TCF20: variants seen among roughly 807,000 people sequenced by gnomAD.
The protein encoded by TCF20 is SPRE-binding protein.
In TCF20, 3 loss-of-function variants were observed where a neutral mutation model predicts 148.6. The ratio of observed to expected loss-of-function variants is 0.02; its 90% CI spans 0.01 to 0.05. The LOEUF is 0.05. Ranked by LOEUF, TCF20 falls within the 10% of genes least tolerant of loss-of-function variation. The pLI, the probability that TCF20 is intolerant of heterozygous loss-of-function variation, is 1.00. For missense variants in TCF20, 2,350 were observed against 2,429.3 expected, an observed-to-expected ratio of 0.97 and a Z score of 0.69; for synonymous variants, 1,049 against 909.5, an observed-to-expected ratio of 1.15 and a Z score of -2.76.
rs147095399 is a variant in TCF20, at chr22:42,213,461, A to G, written c.1845T>C (p.Gly615=). The G allele has an allele frequency of 5.7e-4, 919 of 1,613,864 alleles. No homozygotes were observed. The highest frequency in any genetic ancestry group is 7.1e-4 in the South Asian group (65 of 91,064). Reference sequence around the variant, plus strand: ...CTTGTCCACCAGGCTTTTCTACCCGACCTGTCATGGCTTCCCGGGAGACAA... The same window carrying G: ...CTTGTCCACCAGGCTTTTCTACCCGGCCTGTCATGGCTTCCCGGGAGACAA... ...GVIVSREAMT[G]RVEKPGGQDK... is the part of the protein sequence containing the mutation. Residue 615 remains glycine, a synonymous_variant, in exon 2 of 6, where the codon GGT becomes GGC. Transcript: ENST00000677622.
intron 1 of TCF20, among the ~76,000 whole-genome samples, chr22:42,232,780 C>G (rs1348046459): frequency 1.5e-5 from 2 of 130,236 alleles, no homozygotes; most frequent in African/African-American, 2.9e-5. Flanking sequence ...GCCTGGGCAA[C>G]AGAGCAAGAC....
intron 1 of TCF20, among the ~76,000 whole-genome samples, chr22:42,327,005 G>A (rs1239491430): frequency 2.0e-5 from 3 of 152,256 alleles, no homozygotes; most frequent in Non-Finnish European, 4.4e-5. Context: ...AGCAGATCAG[G>A]AAGGAGAAGA....
Position 42,174,815 on chromosome 22 carries a change from C to G in TCF20, c.5749+4794G>C, listed in dbSNP as rs535468646. 1.7e-4 allele frequency among the ~76,000 whole-genome samples: 26 copies of G among 152,080 alleles called. No individual in the cohort carries two copies. The South Asian group carries it at 5.4e-3, about 32-fold the overall frequency. On this transcript the variant is annotated intron_variant, in intron 3 of 5. Transcript: ENST00000677622. ...CTTTGGGGGGCCAAGGTGGGCAGAT[C>G]ACAAGGTCAGGAGATCGAGACCATC...
chr22:42,260,639 C>T (rs1010696104), intron 1 of TCF20, among the ~76,000 whole-genome samples: 29 of 152,100 alleles, frequency 1.9e-4, no homozygotes, highest in African/African-American at 7.0e-4. Flanking sequence ...TGAACATCAC[C>T]ATGCCTGGTT....
chr22:42,275,405 G>T (rs1457594749), upstream of TCF20, among the ~76,000 whole-genome samples: 5 of 152,196 alleles, frequency 3.3e-5, no homozygotes, highest in Admixed American at 2.0e-4. Flanking sequence ...CCAAGAAACG[G>T]GAAGCCCGTG....
chr22:42,211,574 A>C lies in TCF20; in HGVS notation c.3732T>G (p.Asp1244Glu). ...TGATTAAGGGGTTTTGAGAAGAATG[A>C]TCCTCCTGGCCTGGAAGTCTCAGCA... is the stretch of plus-strand genomic sequence containing the variant. The part of the protein sequence containing the change: ...SVMLRLPGQE[D>E]HSSQNPLIMR... Residue 1244 changes from aspartate (D) to glutamate (E), a missense_variant, in exon 2 of 6, where the codon GAT becomes GAG. Asp to Glu is a conservative substitution (Grantham distance 45). This residue lies in a region of TCF20 where 1,641 missense variants were observed against 1,662.6 expected (regional missense o/e 0.99). Coordinates refer to ENST00000677622, the MANE Select transcript of TCF20 (RefSeq NM_001378418.1). 6.2e-7 allele frequency: 1 copy of C among 1,614,180 alleles called. No individual in the cohort carries two copies. Among genetic ancestry groups the C allele is most frequent in the South Asian group, 1.1e-5 (1 of 91,082 alleles).
At chr22:42,277,502 A>G (rs1333884675) in intron 1 of TCF20, among the ~76,000 whole-genome samples, 1 of 152,240 alleles carries the variant, frequency 6.6e-6, no homozygotes. Context: ...AAGTAACCAC[A>G]TGGTGAAGTT....
chr22:42,179,330 A>G (rs189104030), intron 3 of TCF20, among the ~76,000 whole-genome samples: 71 of 152,168 alleles, frequency 4.7e-4, no homozygotes, highest in Admixed American at 2.1e-3. Context: ...ATGTACAGCA[A>G]AGCCCACAGA....
chr22:42,189,341 G>T (rs1213952173), intron 2 of TCF20, among the ~76,000 whole-genome samples: 4 of 152,218 alleles, frequency 2.6e-5, no homozygotes, highest in African/African-American at 9.6e-5. Context: ...TGCCAGCACA[G>T]CAGGATTCTG....
chr22:42,169,737 A>G (rs1438322534), intron 4 of TCF20, 110 bp downstream of exon 4: 4 of 1,109,310 alleles, frequency 3.6e-6, no homozygotes, highest in Non-Finnish European at 5.3e-6. Context: ...CCGGAGGCAC[A>G]GGTGGGGACA....
intron 1 of TCF20, among the ~76,000 whole-genome samples, chr22:42,227,307 A>G (rs1177925554): frequency 6.6e-6 from 1 of 152,202 alleles, no homozygotes. Context: ...AATTACTTCA[A>G]ATGTACAGAA....
rs970216104 is a variant in TCF20, at chr22:42,160,337, T to C, written c.*1066A>G. ...AAAGAAAAAGGGGTTAAATGGGTGT[T>C]CCTGGTCAGCTTAACCCACTCTGAT... On this transcript the variant is annotated 3_prime_UTR_variant, in exon 6 of 6. Transcript: ENST00000677622. 2.0e-5 allele frequency: 3 copies of C among 152,628 alleles called. No homozygotes were observed. Among genetic ancestry groups the C allele is most frequent in the Non-Finnish European group, 4.4e-5 (3 of 68,034 alleles). 9.5% of individuals were successfully genotyped at this position (152,628 alleles called of 1,614,324 possible).
At chr22:42,258,546 C>A (rs1308087038) in intron 1 of TCF20, among the ~76,000 whole-genome samples, 1 of 152,194 alleles carries the variant, frequency 6.6e-6, no homozygotes, top group Non-Finnish European at 1.5e-5. Flanking sequence ...TCTGGTTTCA[C>A]ATACACTTAG....
chr22:42,238,855 C>T lies in TCF20; in HGVS notation c.-36-23514G>A, dbSNP rs144427326. ...ACATCAGGCCGGGCGCGGTGGCTCA[C>T]GCCTGTAATCCCAGCACTTTGGGAG... On this transcript the variant is annotated intron_variant, in intron 1 of 5. Transcript: ENST00000677622. Among the ~76,000 whole-genome samples, 723 of 149,964 alleles carry T rather than the reference C, an allele frequency of 4.8e-3. 3 individuals are homozygous for T. The highest frequency in any genetic ancestry group is 0.016 in the African/African-American group (670 of 40,802).
intron 1 of TCF20, among the ~76,000 whole-genome samples, chr22:42,245,409 C>A (rs964968722): frequency 6.6e-6 from 1 of 152,122 alleles, no homozygotes; most frequent in African/African-American, 2.4e-5. Flanking sequence ...CTACTCATCT[C>A]GGCCCTGCAA....
chr22:42,258,721 A>G (rs1194763336), intron 1 of TCF20, among the ~76,000 whole-genome samples: 2 of 152,172 alleles, frequency 1.3e-5, no homozygotes, highest in Non-Finnish European at 2.9e-5. Flanking sequence ...GCCCAATTAT[A>G]GGCTCATGTA....
intron 1 of TCF20, among the ~76,000 whole-genome samples, chr22:42,304,942 C>T (rs918746614): frequency 3.9e-5 from 6 of 152,016 alleles, no homozygotes; most frequent in African/African-American, 1.2e-4. Flanking sequence ...TACCAGGGGC[C>T]CCGTACTCTT....
At chr22:42,311,943 T>C (rs1927544357) in intron 1 of TCF20, among the ~76,000 whole-genome samples, 1 of 152,200 alleles carries the variant, frequency 6.6e-6, no homozygotes. Context: ...TCTAGGGTTC[T>C]GCATTTTAGA....
intron 2 of TCF20, among the ~76,000 whole-genome samples, chr22:42,198,847 T>C (rs983898167): frequency 6.0e-4 from 91 of 152,210 alleles, no homozygotes; most frequent in African/African-American, 2.2e-3. Context: ...GTATTTTTAG[T>C]AGAGACAGGG....
Sources: gnomAD v4.1 joint callset for allele counts (sites outside exome capture counted in the v4.1 genomes callset) on GRCh38, gnomAD v4.1.1 for gene constraint, gnomAD v4.1.1 regional missense constraint, MANE v1.5 for transcripts, NCBI Gene and HGNC (gene_info 2026-07-23, HGNC 2026-07-21) for gene names.